Variants in TXNDC11 observed in about 807,000 individuals in gnomAD.
TXNDC11 encodes the protein thioredoxin domain containing 11.
A neutral mutation model predicts 78.0 loss-of-function variants in TXNDC11; 68 were observed. The ratio of observed to expected loss-of-function variants is 0.87; its 90% CI spans 0.72 to 1.07. TXNDC11 has a LOEUF of 1.07. Ranked by LOEUF, TXNDC11 falls within the 50% of genes least tolerant of loss-of-function variation. TXNDC11 has a pLI of 0.00. For synonymous variants in TXNDC11, 571 were observed against 495.2 expected, an observed-to-expected ratio of 1.15 and a Z score of -2.03; for missense variants, 1,389 against 1,221.8, an observed-to-expected ratio of 1.14 and a Z score of -2.04.
At position 11,709,259 on chromosome 16, in the gene TXNDC11, C is replaced by CTTTTTTTT. The variant is rs60926291; in HGVS notation, c.794-8703_794-8696dup. Among the ~76,000 whole-genome samples the CTTTTTTTT allele has an allele frequency of 1.0e-3, 147 of 142,252 alleles. 5 individuals carry two copies. The highest frequency in any genetic ancestry group is 3.7e-3 in the Middle Eastern group (1 of 272). The allele number at this position is 142,252 out of a possible 152,430, so 93.3% of individuals were successfully genotyped here. ...AACATGTAACTTATAAGCTGTGATT[C>CTTTTTTTT]TTTTTTTTTTGAGACAGAGTCTCGC... On this transcript the variant is annotated intron_variant, in intron 5 of 11. Transcript: ENST00000283033.
At chr16:11,681,418 T>C (rs983268602) in intron 11 of TXNDC11, among the ~76,000 whole-genome samples, 1 of 152,226 alleles carries the variant, frequency 6.6e-6, no homozygotes, top group Admixed American at 6.5e-5. Flanking sequence ...CTAAGAGGTC[T>C]TGGTGCACTC....
At chr16:11,723,351 G>T (rs113682282) in intron 4 of TXNDC11, among the ~76,000 whole-genome samples, 5,627 of 151,976 alleles carry the variant, frequency 0.037, 356 homozygotes, top group African/African-American at 0.13. Flanking sequence ...TTGGGAGGCT[G>T]AGGCAGGTGG....
At chr16:11,725,370 A>G (rs1379845319) in intron 4 of TXNDC11, among the ~76,000 whole-genome samples, 1 of 149,914 alleles carries the variant, frequency 6.7e-6, no homozygotes, top group Non-Finnish European at 1.5e-5. Context: ...AAAAAAAAAA[A>G]GCTAACAGCC....
At chr16:11,738,275 A>C (rs1339428519) in intron 1 of TXNDC11, among the ~76,000 whole-genome samples, 1 of 152,240 alleles carries the variant, frequency 6.6e-6, no homozygotes, top group Non-Finnish European at 1.5e-5. Flanking sequence ...TATTCACTCA[A>C]ACTAATATTT....
chr16:11,696,953 G>A (rs1004937780), intron 7 of TXNDC11, among the ~76,000 whole-genome samples: 2 of 152,076 alleles, frequency 1.3e-5, no homozygotes, highest in South Asian at 2.1e-4. Flanking sequence ...CACCTTGACC[G>A]AAAACCTTCC....
chr16:11,681,831 C>G (rs758321948), intron 11 of TXNDC11, among the ~76,000 whole-genome samples: 1 of 152,234 alleles, frequency 6.6e-6, no homozygotes, highest in African/African-American at 2.4e-5. Flanking sequence ...AAGGCCCCAC[C>G]CCTTCCTCTT....
intron 11 of TXNDC11, among the ~76,000 whole-genome samples, chr16:11,680,180 G>A (rs1242218277): frequency 2.0e-5 from 3 of 152,198 alleles, no homozygotes; most frequent in Non-Finnish European, 2.9e-5. Context: ...CTGTGTGCTC[G>A]GAGATGCCCA....
chr16:11,732,012 G>T (rs550149372), intron 3 of TXNDC11, among the ~76,000 whole-genome samples: 1 of 152,242 alleles, frequency 6.6e-6, no homozygotes, highest in East Asian at 1.9e-4. Flanking sequence ...AGGCCAAGAG[G>T]CTTTGATGAG....
chr16:11,734,121 A>G, intron 2 of TXNDC11, 42 bp from the exon 3 acceptor site: 1 of 1,249,866 alleles, frequency 8.0e-7, no homozygotes, highest in Non-Finnish European at 1.1e-6. Flanking sequence ...ATGAATAACA[A>G]CTGAAAAGTT....
intron 5 of TXNDC11, among the ~76,000 whole-genome samples, chr16:11,712,297 G>A (rs2051386069): frequency 6.6e-6 from 1 of 152,152 alleles, no homozygotes; most frequent in Non-Finnish European, 1.5e-5. Flanking sequence ...GGACACACCT[G>A]TTGCTTTCCC....
At chr16:11,724,237 C>G (rs547799310) in intron 4 of TXNDC11, among the ~76,000 whole-genome samples, 4 of 152,160 alleles carry the variant, frequency 2.6e-5, no homozygotes, top group East Asian at 1.9e-4. Flanking sequence ...GAGCAGAGAT[C>G]GCACCACTGC....
At chr16:11,702,221 A>C (rs1348493501) in intron 5 of TXNDC11, among the ~76,000 whole-genome samples, 1 of 152,060 alleles carries the variant, frequency 6.6e-6, no homozygotes, top group African/African-American at 2.4e-5. Flanking sequence ...CCTTATCCTT[A>C]TGTGTGAAGC....
At chr16:11,695,117 T>A (rs1017691772) in intron 7 of TXNDC11, among the ~76,000 whole-genome samples, 7 of 152,082 alleles carry the variant, frequency 4.6e-5, no homozygotes, top group Admixed American at 6.5e-5. Context: ...TAACAAGTTG[T>A]GTAATACACA....
rs369252028 is a variant in TXNDC11, at chr16:11,736,031, G to C, written c.457C>G (p.Arg153Gly). 1 of 1,613,770 alleles carries C rather than the reference G, an allele frequency of 6.2e-7. No individual in the cohort carries two copies. Among genetic ancestry groups the C allele is most frequent in the Non-Finnish European group, 8.5e-7 (1 of 1,180,030 alleles). The change falls in exon 2 of 12, where the codon CGG (arginine) becomes GGG (glycine). Residue 153 changes from arginine to glycine, a missense_variant. Arg to Gly is a moderately radical substitution (Grantham distance 125, BLOSUM62 -2). Coordinates refer to ENST00000283033, the MANE Select transcript of TXNDC11 (RefSeq NM_015914.7). Reference sequence around the variant, plus strand: ...GTGAGCATTACCTGATCTGAAAGCCGACTTGCTGCTTGCTCAATTTCTGCC... The same window carrying C: ...GTGAGCATTACCTGATCTGAAAGCCCACTTGCTGCTTGCTCAATTTCTGCC... ...ARAEIEQAAS[R>G]LSDQVLFVAI...
chr16:11,734,012 T>C lies in TXNDC11; in HGVS notation c.539A>G (p.Tyr180Cys). Residue 180 changes from tyrosine (Y) to cysteine (C), a missense_variant, in exon 3 of 12, where the codon TAT becomes TGT. Physicochemically the swap from Tyr to Cys is radical, Grantham distance 194. Coordinates refer to ENST00000283033, the MANE Select transcript of TXNDC11 (RefSeq NM_015914.7). ...ATGATACAGATATATTACAGGAAAA[T>C]AAAAGAAGTGTTTCTGTTTTCTGCA... ...GKCRKQKHFF[Y>C]FPVIYLYHRS... is the part of the protein sequence containing the mutation. 1 of 1,607,214 alleles carries C rather than the reference T, an allele frequency of 6.2e-7. No individual in the cohort carries two copies. Among genetic ancestry groups the C allele is most frequent in the Non-Finnish European group, 8.5e-7 (1 of 1,178,550 alleles).
chr16:11,736,176 C>T lies in TXNDC11; in HGVS notation c.312G>A (p.Arg104=), dbSNP rs753500145. The T allele has an allele frequency of 5.0e-6, 8 of 1,613,996 alleles. No homozygotes were observed. The highest frequency in any genetic ancestry group is 6.8e-6 in the Non-Finnish European group (8 of 1,180,002). ...CCTGGAAGAGGTCAAGGACTGGAGA[C>T]CTCAAGGAGAAAAAGCTGACAGGTG... The part of the protein sequence containing the change: ...AKPPVSFFSL[R]SPVLDLFQGQ... The change falls in exon 2 of 12, where the codon AGG becomes AGA. Residue 104 remains arginine (R), a synonymous_variant. Coordinates refer to ENST00000283033, the MANE Select transcript of TXNDC11 (RefSeq NM_015914.7).
At chr16:11,721,307 C>A in intron 5 of TXNDC11, 1 of 219,354 alleles carries the variant, frequency 4.6e-6, no homozygotes, top group South Asian at 5.4e-5. Flanking sequence ...GGCATGGCGG[C>A]AGGCACCTAT....
At position 11,679,443 on chromosome 16, in the gene TXNDC11, G is replaced by C. The variant is rs757052075; in HGVS notation, c.2629C>G (p.Leu877Val). 2 of 1,613,500 alleles carry C rather than the reference G, an allele frequency of 1.2e-6. No homozygotes were observed. The highest frequency in any genetic ancestry group is 1.7e-6 in the Non-Finnish European group (2 of 1,179,816). The change falls in exon 12 of 12, where the codon CTG becomes GTG. Residue 877 changes from leucine (L) to valine (V), a missense_variant. Transcript: ENST00000283033. The surrounding 1 kb of genome is among the most constrained non-coding windows in gnomAD (Gnocchi z 4.6). ...TCTGAGGCATCGGCCAGCTCCTGCA[G>C]CTTGCGGGCCAGCTCCTGCAGCTCA... ...TRELQELARK[L>V]QELADASENL...
chr16:11,684,144 G>GTT, intron 11 of TXNDC11, 21 bp downstream of exon 11: 1 of 1,586,162 alleles, frequency 6.3e-7, no homozygotes, highest in South Asian at 1.1e-5. Flanking sequence ...CTGCCCACCA[G>GTT]TGACAAAAAT....
Sources: allele counts gnomAD v4.1 joint callset (sites outside exome capture counted in the v4.1 genomes callset), GRCh38; gene constraint gnomAD v4.1.1; non-coding constraint Gnocchi (gnomAD v3.1); transcripts MANE v1.5; gene names NCBI Gene and HGNC (gene_info 2026-07-23, HGNC 2026-07-21).